CNGA4: variants seen among roughly 807,000 people sequenced by gnomAD.
The protein encoded by CNGA4 is cyclic nucleotide gated channel subunit alpha 4, also known as cyclic nucleotide-gated channel alpha-4.
CNGA4 carries 32 observed loss-of-function variants against 45.6 expected under a neutral mutation model. The ratio of observed to expected loss-of-function variants is 0.70; its 90% CI spans 0.53 to 0.94. The LOEUF (loss-of-function observed/expected upper bound fraction) is 0.94. Among genes scored for constraint, CNGA4 ranks in the 40% least tolerant of loss-of-function variants. CNGA4 has a pLI of 0.00. For missense variants in CNGA4, 726 were observed against 755.1 expected (o/e 0.96, Z 0.45); for synonymous variants, 293 against 304.6 (o/e 0.96, Z 0.40).
rs763389309 is a variant in CNGA4 at position 6,244,379 on chromosome 11, C to T, written c.1698C>T (p.Ala566=). ...CTTCCAAAGATGAAGAGGGCAGGGC[C>T]AGCCAGGAGGGACCCCCAGGTCCAG... The part of the protein sequence containing the change: ...EGTSKDEEGR[A]SQEGPPGPE The change falls in exon 6 of 6, where the codon GCC becomes GCT. Residue 566 remains alanine, a synonymous_variant. Coordinates refer to ENST00000379936, the MANE Select transcript of CNGA4 (RefSeq NM_001037329.4). The surrounding 1 kb of genome is among the most constrained non-coding windows in gnomAD (Gnocchi z 4.5). 3 of 1,613,260 alleles carry T rather than the reference C, an allele frequency of 1.9e-6. No homozygotes were observed. The South Asian group carries it at 3.3e-5, about 18-fold the overall frequency.
rs149486920 is a variant in CNGA4, at chr11:6,242,044, C to T, written c.1267+264C>T. ...GCTCTGTGGATATTCACCTGAAGCA[C>T]CAATAGACTAGTGGACAGTGATAGA... On this transcript the variant is annotated intron_variant, in intron 5 of 5. Transcript: ENST00000379936. The T allele has an allele frequency of 6.3e-4, 337 of 533,406 alleles. 1 individual carries two copies. Among genetic ancestry groups the T allele is most frequent in the African/African-American group, 5.7e-3 (303 of 52,836 alleles). 33.0% of individuals were successfully genotyped at this position (533,406 alleles called of 1,614,324 possible).
chr11:6,239,850 T>A, intron 3 of CNGA4, 60 bp downstream of exon 3: 5 of 1,530,470 alleles, frequency 3.3e-6, no homozygotes, highest in Non-Finnish European at 4.5e-6. Context: ...GATAGCCACT[T>A]AAGAAGTAAC....
Position 6,244,143 on chromosome 11 carries a change from G to A in CNGA4, c.1462G>A (p.Ala488Thr), listed in dbSNP as rs141450546. The change falls in exon 6 of 6, where the codon GCC becomes ACC. Residue 488 changes from alanine (A) to threonine (T), a missense_variant. Ala to Thr is a moderately conservative substitution (Grantham distance 58). Coordinates refer to ENST00000379936, the MANE Select transcript of CNGA4 (RefSeq NM_001037329.4). The surrounding 1 kb of genome is among the most constrained non-coding windows in gnomAD (Gnocchi z 4.5). ...LDVNAEAAEI[A>T]LQEATESRLR... Reference sequence around the variant, plus strand: ...CGTGAATGCTGAGGCAGCTGAGATCGCCCTGCAGGAGGCCACAGAGTCCCG... The same window carrying A: ...CGTGAATGCTGAGGCAGCTGAGATCACCCTGCAGGAGGCCACAGAGTCCCG... The A allele has an allele frequency of 7.4e-5, 120 of 1,614,210 alleles. No individual in the cohort carries two copies. The African/African-American group carries it at 8.1e-4, about 11-fold the overall frequency.
chr11:6,236,196 G>C (rs1047814509), upstream of CNGA4, among the ~76,000 whole-genome samples: 4 of 152,244 alleles, frequency 2.6e-5, no homozygotes, highest in Non-Finnish European at 4.4e-5. Context: ...CAGCATGTGG[G>C]AGGTGCTGTA....
chr11:6,240,234 C>T lies in CNGA4; in HGVS notation c.440C>T (p.Ala147Val), dbSNP rs759024495. The T allele has an allele frequency of 1.2e-6, 2 of 1,614,108 alleles. No homozygotes were observed. The highest frequency in any genetic ancestry group is 1.1e-5 in the South Asian group (1 of 91,092). ...CTGAGGCTGAACCGCTTTCTCCGCG[C>T]GCCCCGCCTCTTCGAGGCCTTCGAC... Reference protein sequence around the residue: ...PTLRLNRFLRAPRLFEAFDRT... With the variant: ...PTLRLNRFLRVPRLFEAFDRT... Residue 147 changes from alanine to valine, a missense_variant, in exon 4 of 6, where the codon GCG becomes GTG. Transcript: ENST00000379936. This position sits in a 1 kb window ranked among gnomAD's most constrained non-coding sequence, Gnocchi z 4.9.
At position 6,244,022 on chromosome 11, in the gene CNGA4, G is replaced by C. The variant is rs1242266010; in HGVS notation, c.1341G>C (p.Lys447Asn). The C allele has an allele frequency of 6.2e-7, 1 of 1,614,064 alleles. No individual in the cohort carries two copies. The highest frequency in any genetic ancestry group is 8.5e-7 in the Non-Finnish European group (1 of 1,180,036). The change falls in exon 6 of 6, where the codon AAG becomes AAC. Residue 447 changes from lysine to asparagine, a missense_variant. Physicochemically the swap from Lys to Asn is moderately conservative, Grantham distance 94. Coordinates refer to ENST00000379936, the MANE Select transcript of CNGA4 (RefSeq NM_001037329.4). The surrounding 1 kb of genome is among the most constrained non-coding windows in gnomAD (Gnocchi z 4.5). ...ATTCAGACCTATTCTGCCTGAGCAA[G>C]GAGGACCTGCGGGAGGTGCTGAGCG... ...LGYSDLFCLSKEDLREVLSEY... is the reference protein window; with the variant it reads ...LGYSDLFCLSNEDLREVLSEY...
At position 6,241,597 on chromosome 11, in the gene CNGA4, C is replaced by T. The variant is rs1554916138; in HGVS notation, c.1084C>T (p.Leu362=). The part of the protein sequence containing the change: ...CEASLLEELV[L]KLQPQTYSPG... ...GGCCAGCCTGCTGGAGGAGCTGGTG[C>T]TGAAGCTGCAGCCCCAGACCTACTC... is the stretch of plus-strand genomic sequence containing the variant. Residue 362 remains leucine, a synonymous_variant, in exon 5 of 6, where the codon CTG becomes TTG. Transcript: ENST00000379936. The T allele has an allele frequency of 1.9e-5, 30 of 1,614,194 alleles. No homozygotes were observed. The South Asian group carries it at 2.0e-4, about 11-fold the overall frequency.
At position 6,240,487 on chromosome 11, in the gene CNGA4, A is replaced by G; in HGVS notation, c.693A>G (p.Thr231=). 6.2e-7 allele frequency: 1 copy of G among 1,614,188 alleles called. No homozygotes were observed. The highest frequency in any genetic ancestry group is 8.5e-7 in the Non-Finnish European group (1 of 1,180,034). The change falls in exon 4 of 6, where the codon ACA becomes ACG. Residue 231 remains threonine, a synonymous_variant. Transcript: ENST00000379936. The surrounding 1 kb of genome is among the most constrained non-coding windows in gnomAD (Gnocchi z 4.9). ...ACTTCTCCACGCTGATACTGACTAC[A>G]GTGGGCGATACACCGCCGCCAGCCA... is the stretch of plus-strand genomic sequence containing the variant. ...SFYFSTLILT[T]VGDTPPPARE...
chr11:6,242,112 T>TC lies in CNGA4; in HGVS notation c.1267+332_1267+333insC, dbSNP rs1284678088. 2.5e-4 allele frequency: 106 copies of TC among 421,818 alleles called. No homozygotes were observed. In the East Asian group the frequency reaches 3.6e-3, roughly 14 times the overall value. The allele number at this position is 421,818 out of a possible 1,614,324, so 26.1% of individuals were successfully genotyped here. A position where few individuals can be genotyped will look rare whatever the true frequency, so the allele number is the denominator to read the frequency against. ...TAGCTAATATTTATTACCTGCTTACTGCATCCCCTTTTCTAAGTGCTTCAC... is the reference window on the plus strand; with the variant it reads ...TAGCTAATATTTATTACCTGCTTACTCGCATCCCCTTTTCTAAGTGCTTCAC... On this transcript the variant is annotated intron_variant, in intron 5 of 5. Transcript: ENST00000379936.
Position 6,240,147 on chromosome 11 carries a change from A to T in CNGA4, c.353A>T (p.Asp118Val). The change falls in exon 4 of 6, where the codon GAC becomes GTC. Residue 118 changes from aspartate (D) to valine (V), a missense_variant. Asp to Val is a radical substitution (Grantham distance 152, BLOSUM62 -3). Coordinates refer to ENST00000379936, the MANE Select transcript of CNGA4 (RefSeq NM_001037329.4). The surrounding 1 kb of genome is among the most constrained non-coding windows in gnomAD (Gnocchi z 4.9). ...GTTCGCACCTGGAGTTTCTTCTTGG[A>T]CCTGGCTTCCCTGATGCCCACAGAT... Reference protein sequence around the residue: ...RYVRTWSFFLDLASLMPTDVV... With the variant: ...RYVRTWSFFLVLASLMPTDVV... 1.2e-6 allele frequency: 2 copies of T among 1,614,114 alleles called. No individual in the cohort carries two copies. The highest frequency in any genetic ancestry group is 1.7e-6 in the Non-Finnish European group (2 of 1,180,024).
At chr11:6,239,361 A>C (rs759240785) in intron 1 of CNGA4, 23 bp from the exon 2 acceptor site, 1 of 1,613,556 alleles carries the variant, frequency 6.2e-7, no homozygotes, top group African/African-American at 1.3e-5. Flanking sequence ...TGAATAAATG[A>C]AGCAAGACTT....
intron 5 of CNGA4, 23 bp from the exon 6 acceptor site, chr11:6,243,926 C>T: frequency 6.2e-7 from 1 of 1,603,286 alleles, no homozygotes; most frequent in Non-Finnish European, 8.5e-7. Context: ...AACTGTCCTC[C>T]CATCTCTGCC....
chr11:6,240,256 C>G lies in CNGA4; in HGVS notation c.462C>G (p.Phe154Leu), dbSNP rs201074130. The change falls in exon 4 of 6, where the codon TTC (phenylalanine) becomes TTG (leucine). Residue 154 changes from phenylalanine (F) to leucine (L), a missense_variant. Phe to Leu is a conservative substitution (Grantham distance 22). Transcript: ENST00000379936. This position sits in a 1 kb window ranked among gnomAD's most constrained non-coding sequence, Gnocchi z 4.9. Reference protein sequence around the residue: ...FLRAPRLFEAFDRTETRTAYP... With the variant: ...FLRAPRLFEALDRTETRTAYP... ...GCGCGCCCCGCCTCTTCGAGGCCTT[C>G]GACCGCACAGAGACCCGCACAGCTT... The G allele has an allele frequency of 1.5e-5, 25 of 1,614,108 alleles. No homozygotes were observed. In the East Asian group the frequency reaches 4.2e-4, roughly 27 times the overall value.
rs60883768 is a variant in CNGA4, at chr11:6,240,263, A to C, written c.469A>C (p.Thr157Pro). 2.9e-5 allele frequency: 47 copies of C among 1,614,090 alleles called. No individual in the cohort carries two copies. Among genetic ancestry groups the C allele is most frequent in the Non-Finnish European group, 3.8e-5 (45 of 1,180,038 alleles). The change falls in exon 4 of 6, where the codon ACA becomes CCA. Residue 157 changes from threonine to proline, a missense_variant. Transcript: ENST00000379936. The surrounding 1 kb of genome is among the most constrained non-coding windows in gnomAD (Gnocchi z 4.9). ...CCGCCTCTTCGAGGCCTTCGACCGC[A>C]CAGAGACCCGCACAGCTTACCCAAA... ...APRLFEAFDR[T>P]ETRTAYPNAF...
rs1217718137 is a variant in CNGA4, at chr11:6,241,759, A to G, written c.1246A>G (p.Ile416Val). 1 of 1,613,946 alleles carries G rather than the reference A, an allele frequency of 6.2e-7. No individual in the cohort carries two copies. Among genetic ancestry groups the G allele is most frequent in the Non-Finnish European group, 8.5e-7 (1 of 1,179,962 alleles). The part of the protein sequence containing the change: ...VLGAGLYFGE[I>V]SIINIKGNMS... ...CGGTGCAGGGCTCTACTTTGGGGAG[A>G]TCAGCATCATCAACATCAAAGGTGG... Residue 416 changes from isoleucine to valine, a missense_variant, in exon 5 of 6, where the codon ATC becomes GTC. Physicochemically the swap from Ile to Val is conservative, Grantham distance 29 (BLOSUM62 3). Coordinates refer to ENST00000379936, the MANE Select transcript of CNGA4 (RefSeq NM_001037329.4).
chr11:6,244,177 G>T lies in CNGA4; in HGVS notation c.1496G>T (p.Gly499Val). ...GAGGCCACAGAGTCCCGGCTACGAGGCCTAGACCAGCAGCTGGATGATCTA... is the reference window on the plus strand; with the variant it reads ...GAGGCCACAGAGTCCCGGCTACGAGTCCTAGACCAGCAGCTGGATGATCTA... ...LQEATESRLR[G>V]LDQQLDDLQT... The change falls in exon 6 of 6, where the codon GGC (glycine) becomes GTC (valine). Residue 499 changes from glycine to valine, a missense_variant. Physicochemically the swap from Gly to Val is moderately radical, Grantham distance 109. Coordinates refer to ENST00000379936, the MANE Select transcript of CNGA4 (RefSeq NM_001037329.4). The surrounding 1 kb of genome is among the most constrained non-coding windows in gnomAD (Gnocchi z 4.5). 1 of 1,614,198 alleles carries T rather than the reference G, an allele frequency of 6.2e-7. No individual in the cohort carries two copies. The highest frequency in any genetic ancestry group is 8.5e-7 in the Non-Finnish European group (1 of 1,180,040).
upstream of CNGA4, among the ~76,000 whole-genome samples, chr11:6,238,233 C>G (rs1391712437): frequency 6.6e-6 from 1 of 152,162 alleles, no homozygotes; most frequent in Non-Finnish European, 1.5e-5. Flanking sequence ...ACCTGCTGGC[C>G]TGACTATTTC....
At position 6,240,414 on chromosome 11, in the gene CNGA4, C is replaced by A. The variant is rs200921101; in HGVS notation, c.620C>A (p.Ala207Glu). 1.2e-6 allele frequency: 2 copies of A among 1,614,232 alleles called. No homozygotes were observed. The highest frequency in any genetic ancestry group is 4.5e-5 in the East Asian group (2 of 44,878). The stretch of plus-strand genomic sequence containing the variant: ...GACGCATGGGTGTACCCGGACCCCG[C>A]GCAGCCTGGCTTTGAGCGCCTGCGG... ...GRDAWVYPDP[A>E]QPGFERLRRQ... The change falls in exon 4 of 6, where the codon GCG (alanine) becomes GAG (glutamate). Residue 207 changes from alanine (A) to glutamate (E), a missense_variant. By Grantham distance (107) the Ala-to-Glu change is moderately radical. Coordinates refer to ENST00000379936, the MANE Select transcript of CNGA4 (RefSeq NM_001037329.4). This position sits in a 1 kb window ranked among gnomAD's most constrained non-coding sequence, Gnocchi z 4.9.
chr11:6,242,070 GATAATA>G (rs1185174411), intron 5 of CNGA4: 4 of 464,982 alleles, frequency 8.6e-6, no homozygotes, highest in Non-Finnish European at 1.5e-5. Context: ...CAGTGATAGA[GATAATA>G]ATAATAATAA....
Sources: gnomAD v4.1 joint callset for allele counts (sites outside exome capture counted in the v4.1 genomes callset) on GRCh38, gnomAD v4.1.1 for gene constraint, Gnocchi (gnomAD v3.1) non-coding constraint, MANE v1.5 for transcripts, NCBI Gene and HGNC (gene_info 2026-07-23, HGNC 2026-07-21) for gene names.